The following STAB2 variants were observed in gnomAD, a reference collection of about 807,000 sequenced individuals.
STAB2 encodes the protein stabilin-2.
A neutral mutation model predicts 338.1 loss-of-function variants in STAB2; 288 were observed. The observed-to-expected ratio is 0.85, with a 90% CI of 0.77 to 0.94. The LOEUF (loss-of-function observed/expected upper bound fraction) is 0.94. Among genes scored for constraint, STAB2 ranks in the 40% least tolerant of loss-of-function variants. STAB2 has a pLI of 0.00. For missense variants in STAB2, 3,141 were observed against 3,210.1 expected, an observed-to-expected ratio of 0.98 and a Z score of 0.52; for synonymous variants, 1,202 against 1,193.3, an observed-to-expected ratio of 1.01 and a Z score of -0.15.
intron 3 of STAB2, among the ~76,000 whole-genome samples, chr12:103,595,630 T>A (rs2138543229): frequency 6.6e-6 from 1 of 152,346 alleles, no homozygotes; most frequent in South Asian, 2.1e-4. Context: ...TGACATTAGG[T>A]ACCAGAGAGG....
chr12:103,740,254 C>G (rs562735337), intron 54 of STAB2, among the ~76,000 whole-genome samples: 1 of 152,268 alleles, frequency 6.6e-6, no homozygotes, highest in Admixed American at 6.5e-5. Context: ...AAAACAAAAT[C>G]TAACTCATAC....
At chr12:103,629,791 T>C (rs1465694125) in intron 5 of STAB2, among the ~76,000 whole-genome samples, 3 of 152,254 alleles carry the variant, frequency 2.0e-5, no homozygotes, top group Non-Finnish European at 4.4e-5. Flanking sequence ...TTGGCTGTTT[T>C]CTTCTGCCAT....
chr12:103,599,234 TG>T, intron 3 of STAB2, among the ~76,000 whole-genome samples: 1 of 152,318 alleles, frequency 6.6e-6, no homozygotes, highest in South Asian at 2.1e-4. Context: ...TGGTCTCTTG[TG>T]GGGCAGGAAG....
chr12:103,661,457 G>C (rs1874614016), intron 17 of STAB2, among the ~76,000 whole-genome samples: 1 of 152,178 alleles, frequency 6.6e-6, no homozygotes, highest in African/African-American at 2.4e-5. Context: ...ACTGTTGTAG[G>C]TCCTGAAGAC....
At chr12:103,634,331 C>T (rs1274621077) in intron 6 of STAB2, among the ~76,000 whole-genome samples, 3 of 152,122 alleles carry the variant, frequency 2.0e-5, no homozygotes, top group African/African-American at 7.2e-5. Flanking sequence ...AACATGAGGT[C>T]GCACTAATTC....
In STAB2 at chr12:103,759,289, G is replaced by T; in HGVS notation, c.7248+16G>T. 6.2e-7 allele frequency: 1 copy of T among 1,611,166 alleles called. No individual in the cohort carries two copies. Among genetic ancestry groups the T allele is most frequent in the South Asian group, 1.1e-5 (1 of 90,700 alleles). On this transcript the variant is annotated intron_variant, in intron 65 of 68. Transcript: ENST00000388887. ...ACTCCAACCGGTACAAAGTCTTCTGGGCTTCTTGGGGGAACGGGAGATAAT... is the reference window on the plus strand; with the variant it reads ...ACTCCAACCGGTACAAAGTCTTCTGTGCTTCTTGGGGGAACGGGAGATAAT...
chr12:103,731,510 C>T, intron 49 of STAB2, 66 bp from the exon 50 acceptor site: 1 of 1,549,922 alleles, frequency 6.5e-7, no homozygotes, highest in Non-Finnish European at 8.8e-7. Flanking sequence ...TTCACTTGAG[C>T]TCTTGTTAAA....
At position 103,655,499 on chromosome 12, in the gene STAB2, G is replaced by A; in HGVS notation, c.1652G>A (p.Gly551Glu). Residue 551 changes from glycine (G) to glutamate (E), a missense_variant, in exon 15 of 69, where the codon GGA (glycine) becomes GAA (glutamate). Physicochemically the swap from Gly to Glu is moderately conservative, Grantham distance 98. Coordinates refer to ENST00000388887, the MANE Select transcript of STAB2 (RefSeq NM_017564.10). The part of the protein sequence containing the change: ...GHALDEDGVG[G>E]PYTIFVPNNE... ...GCCTTAGATGAGGATGGAGTTGGTG[G>A]ACCATACACCATTTTTGTTCCAAAT... The A allele has an allele frequency of 1.2e-6, 2 of 1,613,972 alleles. No individual in the cohort carries two copies. The highest frequency in any genetic ancestry group is 1.7e-6 in the Non-Finnish European group (2 of 1,180,014).
rs143221966 is a variant in STAB2 at position 103,700,634 on chromosome 12, G to T, written c.3714+1407G>T. 8.5e-4 allele frequency among the ~76,000 whole-genome samples: 129 copies of T among 152,176 alleles called. 1 individual carries two copies. The highest frequency in any genetic ancestry group is 3.0e-3 in the African/African-American group (124 of 41,512). On this transcript the variant is annotated intron_variant, in intron 34 of 68. Transcript: ENST00000388887. ...GTAATTATGGTATTGACAGAGCTTC[G>T]TTTTTGCTTCTGTATGTGTTTGTCA...
intron 3 of STAB2, among the ~76,000 whole-genome samples, chr12:103,598,673 C>A (rs1956912092): frequency 6.6e-6 from 1 of 152,268 alleles, no homozygotes; most frequent in Non-Finnish European, 1.5e-5. Context: ...ACCAAATGAG[C>A]TGTTTTCATA....
In STAB2 at chr12:103,690,459, A is replaced by G. The variant is rs1593240153; in HGVS notation, c.3218A>G (p.Asp1073Gly). ...HMLLGTYRVA[D>G]LQTLSSSDML... is the part of the protein sequence containing the mutation. Reference sequence around the variant, plus strand: ...CTACTAGGCACATACAGAGTGGCAGATCTGCAGACCCTGTCTTCTTCTGAC... The same window carrying G: ...CTACTAGGCACATACAGAGTGGCAGGTCTGCAGACCCTGTCTTCTTCTGAC... Residue 1073 changes from aspartate to glycine, a missense_variant, in exon 30 of 69, where the codon GAT becomes GGT. Physicochemically the swap from Asp to Gly is moderately conservative, Grantham distance 94 (BLOSUM62 -1). Transcript: ENST00000388887. The G allele has an allele frequency of 6.2e-7, 1 of 1,614,130 alleles. No individual in the cohort carries two copies. Among genetic ancestry groups the G allele is most frequent in the Non-Finnish European group, 8.5e-7 (1 of 1,179,966 alleles).
At chr12:103,636,186 A>T (rs369530874) in intron 6 of STAB2, among the ~76,000 whole-genome samples, 11 of 146,112 alleles carry the variant, frequency 7.5e-5, no homozygotes, top group Admixed American at 2.0e-4. Context: ...TCCTAATGCT[A>T]TCCATCCCCC....
chr12:103,621,389 T>G (rs1957299459), intron 4 of STAB2, among the ~76,000 whole-genome samples: 2 of 152,112 alleles, frequency 1.3e-5, no homozygotes, highest in South Asian at 4.1e-4. Context: ...CTGGGGGATT[T>G]AAATACAAGG....
chr12:103,646,367 A>G (rs1267371666), intron 9 of STAB2, among the ~76,000 whole-genome samples: 8 of 152,134 alleles, frequency 5.3e-5, no homozygotes, highest in Non-Finnish European at 1.0e-4. Context: ...CTGTCCTGGT[A>G]TATCCCAGCA....
chr12:103,629,067 G>A (rs1410189803), intron 5 of STAB2, among the ~76,000 whole-genome samples: 1 of 152,134 alleles, frequency 6.6e-6, no homozygotes, highest in Non-Finnish European at 1.5e-5. Context: ...ACAGAGGTGG[G>A]GAGGTCATTC....
chr12:103,748,558 G>T (rs1235524082), intron 58 of STAB2, among the ~76,000 whole-genome samples: 3 of 150,148 alleles, frequency 2.0e-5, no homozygotes, highest in Admixed American at 1.3e-4. Flanking sequence ...ATCTCACAGG[G>T]TGCTCAATAT....
intron 4 of STAB2, among the ~76,000 whole-genome samples, chr12:103,621,303 G>A (rs996975594): frequency 6.6e-5 from 10 of 152,082 alleles, no homozygotes; most frequent in African/African-American, 1.7e-4. Context: ...TAGGCTTACC[G>A]GTTCAAGATT....
At chr12:103,692,435 G>C (rs1362533179) in intron 30 of STAB2, among the ~76,000 whole-genome samples, 1 of 152,192 alleles carries the variant, frequency 6.6e-6, no homozygotes, top group African/African-American at 2.4e-5. Flanking sequence ...TGTCTCCAGG[G>C]TCAAACCACA....
In STAB2 at chr12:103,737,677, G is replaced by A. The variant is rs544606835; in HGVS notation, c.5594G>A (p.Arg1865Gln). The part of the protein sequence containing the change: ...LNGQTCRIVQ[R>Q]ELLFDLGVAY... ...GGCCAAACCTGCAGAATTGTGCAGCGGGAGCTCTTGTTTGACCTGGGTGTG... is the reference window on the plus strand; with the variant it reads ...GGCCAAACCTGCAGAATTGTGCAGCAGGAGCTCTTGTTTGACCTGGGTGTG... Residue 1865 changes from arginine to glutamine, a missense_variant, in exon 53 of 69, where the codon CGG becomes CAG. Physicochemically the swap from Arg to Gln is conservative, Grantham distance 43 (BLOSUM62 1). Coordinates refer to ENST00000388887, the MANE Select transcript of STAB2 (RefSeq NM_017564.10). The A allele has an allele frequency of 1.5e-5, 24 of 1,612,146 alleles. 1 individual carries two copies. In the Middle Eastern group the frequency reaches 8.3e-4, roughly 56 times the overall value.
Sources: allele counts gnomAD v4.1 joint callset (sites outside exome capture counted in the v4.1 genomes callset), GRCh38; gene constraint gnomAD v4.1.1; transcripts MANE v1.5; gene names NCBI Gene and HGNC (gene_info 2026-07-23, HGNC 2026-07-21).